KPNA3: variants seen among roughly 807,000 people sequenced by gnomAD.
KPNA3 encodes karyopherin subunit alpha 3.
KPNA3 carries 13 observed loss-of-function variants against 73.8 expected under a neutral mutation model. The ratio of observed to expected loss-of-function variants is 0.18; its 90% CI spans 0.11 to 0.28. KPNA3 has a LOEUF of 0.28. Ranked by LOEUF, KPNA3 falls within the 10% of genes least tolerant of loss-of-function variation. The pLI, the probability that KPNA3 is intolerant of heterozygous loss-of-function variation, is 1.00. For missense variants in KPNA3, 360 were observed against 618.1 expected (o/e 0.58, Z 4.43); for synonymous variants, 186 against 206.9 (o/e 0.90, Z 0.87).
chr13:49,792,013 G>A (rs1955037422), intron 1 of KPNA3, among the ~76,000 whole-genome samples: 1 of 152,188 alleles, frequency 6.6e-6, no homozygotes, highest in Non-Finnish European at 1.5e-5. Context: ...CGCGCGGGAG[G>A]CGCAGAGGGG....
At chr13:49,762,184 C>G (rs184247403) in intron 1 of KPNA3, among the ~76,000 whole-genome samples, 3,013 of 150,506 alleles carry the variant, frequency 0.02, 44 homozygotes, top group South Asian at 0.03. Flanking sequence ...CCAGCCGCCT[C>G]GTCCGGGAGG....
intron 10 of KPNA3, among the ~76,000 whole-genome samples, chr13:49,717,626 A>C (rs1056635921): frequency 6.6e-6 from 1 of 152,150 alleles, no homozygotes; most frequent in Non-Finnish European, 1.5e-5. Context: ...ATATGACATG[A>C]GACAAATTAC....
intron 6 of KPNA3, among the ~76,000 whole-genome samples, 199 bp downstream of exon 6, chr13:49,732,170 CAT>C (rs1954476046): frequency 6.6e-6 from 1 of 152,094 alleles, no homozygotes; most frequent in East Asian, 1.9e-4. Context: ...TCCTAGAAAA[CAT>C]ACACATCCTT....
chr13:49,713,689 C>A (rs1262818420), intron 10 of KPNA3, among the ~76,000 whole-genome samples: 1 of 148,068 alleles, frequency 6.8e-6, no homozygotes, highest in Non-Finnish European at 1.5e-5. Context: ...CAGAAAAACC[C>A]AACAACAAAA....
chr13:49,699,666 A>G lies in KPNA3; in HGVS notation c.*2134T>C, dbSNP rs569222159. On this transcript the variant is annotated 3_prime_UTR_variant, in exon 17 of 17. Transcript: ENST00000261667. ...CATGAGAGGAAATAGGAATCATCACAGTAGAGGCCCAATTTTAATCATAAT... is the reference window on the plus strand; with the variant it reads ...CATGAGAGGAAATAGGAATCATCACGGTAGAGGCCCAATTTTAATCATAAT... The G allele has an allele frequency of 7.9e-5, 12 of 152,756 alleles. No homozygotes were observed. Among genetic ancestry groups the G allele is most frequent in the African/African-American group, 2.6e-4 (11 of 41,570 alleles). The allele number at this position is 152,756 out of a possible 1,614,324, so 9.5% of individuals were successfully genotyped here. A position where few individuals can be genotyped will look rare whatever the true frequency, so the allele number is the denominator to read the frequency against.
At chr13:49,729,158 A>T (rs1386503238) in intron 6 of KPNA3, among the ~76,000 whole-genome samples, 3 of 152,158 alleles carry the variant, frequency 2.0e-5, no homozygotes, top group Non-Finnish European at 4.4e-5. Context: ...TTGTCTTTTG[A>T]TTCCACTTTT....
In KPNA3 at chr13:49,725,400, T is replaced by C; in HGVS notation, c.469+16A>G. The C allele has an allele frequency of 1.3e-6, 2 of 1,526,408 alleles. No individual in the cohort carries two copies. The highest frequency in any genetic ancestry group is 3.7e-5 in the Admixed American group (2 of 53,462). 94.6% of individuals were successfully genotyped at this position (1,526,408 alleles called of 1,614,324 possible). ...ATTAAAACACAAAAAGTTCAGACAG[T>C]AAGGAATTTACTTACTAGACTGCAC... On this transcript the variant is annotated intron_variant, in intron 7 of 16. Transcript: ENST00000261667.
chr13:49,760,962 C>A (rs191315729), intron 1 of KPNA3, among the ~76,000 whole-genome samples: 25 of 152,228 alleles, frequency 1.6e-4, no homozygotes, highest in Admixed American at 3.3e-4. Flanking sequence ...CCTTTCCCCC[C>A]ATGATCACGT....
rs202220835 is a variant in KPNA3 at position 49,710,884 on chromosome 13, T to C, written c.903+7A>G. On this transcript the variant is annotated splice_region_variant and intron_variant, in intron 11 of 16. Coordinates refer to ENST00000261667, the MANE Select transcript of KPNA3 (RefSeq NM_002267.4). ...TATACAAATAAGAAAAATTTAAAAA[T>C]ACTTACTTGAACTTTGACTTCCTGA... 8 of 1,608,944 alleles carry C rather than the reference T, an allele frequency of 5.0e-6. No individual in the cohort carries two copies. The highest frequency in any genetic ancestry group is 1.7e-4 in the Middle Eastern group (1 of 6,018).
intron 12 of KPNA3, 104 bp from the exon 13 acceptor site, chr13:49,706,476 T>A (rs1356337452): frequency 2.8e-6 from 2 of 725,596 alleles, no homozygotes; most frequent in African/African-American, 3.6e-5. Context: ...CTGAATTACG[T>A]TAAAGAGACT....
At position 49,701,479 on chromosome 13, in the gene KPNA3, G is replaced by A; in HGVS notation, c.*321C>T. On this transcript the variant is annotated 3_prime_UTR_variant, in exon 17 of 17. Coordinates refer to ENST00000261667, the MANE Select transcript of KPNA3 (RefSeq NM_002267.4). ...AGGAGTATCAGTGGGCAGCTGACAT[G>A]TCACCACTATGGAATATTTATTCTA... 2.0e-6 allele frequency: 1 copy of A among 489,678 alleles called. No individual in the cohort carries two copies. Among genetic ancestry groups the A allele is most frequent in the Non-Finnish European group, 4.2e-6 (1 of 239,466 alleles). The allele number at this position is 489,678 out of a possible 1,614,324, so 30.3% of individuals were successfully genotyped here.
intron 2 of KPNA3, among the ~76,000 whole-genome samples, chr13:49,739,688 CTGTT>C (rs983220157): frequency 3.9e-5 from 6 of 152,142 alleles, no homozygotes; most frequent in Admixed American, 6.5e-5. Context: ...AATTCTCAAA[CTGTT>C]TGTTACAGTT....
intron 1 of KPNA3, among the ~76,000 whole-genome samples, chr13:49,788,852 GTGA>G (rs1465237449): frequency 4.0e-5 from 6 of 150,236 alleles, no homozygotes; most frequent in Admixed American, 2.0e-4. Flanking sequence ...ATTTCTATCA[GTGA>G]TGATAATTAC....
At chr13:49,746,064 G>GAAAAAAAAAAAAAAAAAAAAAAAA (rs398022733) in intron 2 of KPNA3, among the ~76,000 whole-genome samples, 1 of 83,086 alleles carries the variant, frequency 1.2e-5, no homozygotes, top group African/African-American at 4.5e-5. Flanking sequence ...CTCTGCATCA[G>GAAAAAAAAAAAAAAAAAAAAAAAA]AAAAAAAAAA....
intron 1 of KPNA3, among the ~76,000 whole-genome samples, chr13:49,779,679 G>A (rs1050520607): frequency 2.0e-5 from 3 of 151,990 alleles, no homozygotes; most frequent in Non-Finnish European, 4.4e-5. Flanking sequence ...TCCACCCTAC[G>A]TCTTCCTCAA....
chr13:49,710,766 C>T, intron 11 of KPNA3, 125 bp downstream of exon 11: 1 of 852,442 alleles, frequency 1.2e-6, no homozygotes, highest in Non-Finnish European at 1.8e-6. Flanking sequence ...AAATCAGGCT[C>T]AGGGACTAGC....
At chr13:49,714,426 C>G (rs1381523318) in intron 10 of KPNA3, among the ~76,000 whole-genome samples, 1 of 152,050 alleles carries the variant, frequency 6.6e-6, no homozygotes, top group Non-Finnish European at 1.5e-5. Flanking sequence ...AAAAACTACC[C>G]TGCACACTTT....
chr13:49,763,960 G>A (rs1359817021), intron 1 of KPNA3, among the ~76,000 whole-genome samples: 2 of 151,672 alleles, frequency 1.3e-5, no homozygotes, highest in African/African-American at 4.8e-5. Flanking sequence ...TCAGCTATTC[G>A]GGAGACTGAG....
intron 2 of KPNA3, among the ~76,000 whole-genome samples, chr13:49,736,099 C>G (rs979986648): frequency 9.2e-5 from 14 of 152,070 alleles, no homozygotes; most frequent in African/African-American, 3.4e-4. Flanking sequence ...CCAATAATAC[C>G]CTCACTTTAA....
Sources: allele counts gnomAD v4.1 joint callset (sites outside exome capture counted in the v4.1 genomes callset), GRCh38; gene constraint gnomAD v4.1.1; transcripts MANE v1.5; gene names NCBI Gene and HGNC (gene_info 2026-07-23, HGNC 2026-07-21).